ADAMTS16: variants seen among roughly 807,000 people sequenced by gnomAD.
ADAMTS16 encodes the protein ADAM metallopeptidase with thrombospondin type 1 motif 16.
In ADAMTS16, 94 loss-of-function variants were observed where a neutral mutation model predicts 145.8. That is an observed-to-expected ratio of 0.64 (90% CI 0.55 to 0.77). ADAMTS16 has a LOEUF of 0.77. ADAMTS16 is among the 30% of genes least tolerant of loss of function. The probability of loss-of-function intolerance (pLI) is 0.00; values close to 1 mark genes in which losing one functional copy is unlikely to be tolerated. For synonymous variants in ADAMTS16, 659 were observed against 604.3 expected (o/e 1.09, Z -1.33); for missense variants, 1,585 against 1,591.5 (o/e 1.00, Z 0.07).
At chr5:5,231,023 C>A (rs564052096) in intron 11 of ADAMTS16, among the ~76,000 whole-genome samples, 2 of 152,104 alleles carry the variant, frequency 1.3e-5, no homozygotes, top group African/African-American at 4.8e-5. Context: ...GAAAAGAAAA[C>A]GACAACAACT....
intron 9 of ADAMTS16, among the ~76,000 whole-genome samples, chr5:5,202,459 GT>G (rs1447949428): frequency 2.0e-5 from 3 of 152,148 alleles, no homozygotes; most frequent in Non-Finnish European, 2.9e-5. Flanking sequence ...TTTAGCATTT[GT>G]TTTTCCCTGC....
At chr5:5,187,392 G>A (rs1735532733) in intron 5 of ADAMTS16, among the ~76,000 whole-genome samples, 1 of 152,000 alleles carries the variant, frequency 6.6e-6, no homozygotes, top group African/African-American at 2.4e-5. Context: ...TTGCACTTAT[G>A]GAATTCCTTG....
intron 22 of ADAMTS16, among the ~76,000 whole-genome samples, chr5:5,318,757 G>C (rs965084501): frequency 6.6e-6 from 1 of 152,182 alleles, no homozygotes. Flanking sequence ...TTGAAATTCA[G>C]TCAACAGAGG....
At chr5:5,144,076 G>A (rs1169863278) in intron 2 of ADAMTS16, among the ~76,000 whole-genome samples, 1 of 151,636 alleles carries the variant, frequency 6.6e-6, no homozygotes, top group Non-Finnish European at 1.5e-5. Context: ...GTATACCTAT[G>A]TAACAAACCT....
At chr5:5,189,869 T>C in intron 6 of ADAMTS16, 102 bp from the exon 7 acceptor site, 2 of 1,412,184 alleles carry the variant, frequency 1.4e-6, no homozygotes, top group Non-Finnish European at 2.0e-6. Flanking sequence ...TCCAGCCATG[T>C]ATTTGAAATC....
At chr5:5,227,164 C>G (rs911919701) in intron 11 of ADAMTS16, among the ~76,000 whole-genome samples, 1 of 152,254 alleles carries the variant, frequency 6.6e-6, no homozygotes, top group African/African-American at 2.4e-5. Context: ...TCACGCAGCT[C>G]GCAGAGCAGA....
intron 16 of ADAMTS16, among the ~76,000 whole-genome samples, chr5:5,241,114 A>G (rs529357818): frequency 1.5e-4 from 23 of 151,808 alleles, no homozygotes; most frequent in African/African-American, 3.1e-4. Context: ...GAGCTGTGTC[A>G]TCAAGCAGAG....
intron 17 of ADAMTS16, among the ~76,000 whole-genome samples, chr5:5,248,349 T>C (rs1409681782): frequency 2.6e-5 from 4 of 152,196 alleles, no homozygotes; most frequent in Non-Finnish European, 5.9e-5. Context: ...AGTTGGTTTC[T>C]GAAAAAAGAT....
chr5:5,210,615 AATGTT>A (rs1736249941), intron 10 of ADAMTS16, among the ~76,000 whole-genome samples: 1 of 152,150 alleles, frequency 6.6e-6, no homozygotes, highest in African/African-American at 2.4e-5. Flanking sequence ...CCTGCTCTTG[AATGTT>A]ATAATTACCT....
chr5:5,311,314 A>C (rs1257326010), intron 21 of ADAMTS16, among the ~76,000 whole-genome samples: 16 of 99,176 alleles, frequency 1.6e-4, no homozygotes, highest in South Asian at 3.0e-4. Flanking sequence ...AAAAAAAAAA[A>C]AAACAAAAAA....
chr5:5,192,829 T>C (rs1026251015), intron 8 of ADAMTS16, among the ~76,000 whole-genome samples: 6 of 152,216 alleles, frequency 3.9e-5, no homozygotes, highest in Non-Finnish European at 8.8e-5. Context: ...CCTTGAAGTA[T>C]CGTCTGTTAA....
intron 20 of ADAMTS16, 34 bp downstream of exon 20, chr5:5,303,800 C>G (rs1207266561): frequency 6.2e-7 from 1 of 1,603,810 alleles, no homozygotes; most frequent in Admixed American, 1.7e-5. Flanking sequence ...GCGAGGTTGA[C>G]TAGCTCTCCC....
At chr5:5,198,081 G>A (rs1735855287) in intron 8 of ADAMTS16, among the ~76,000 whole-genome samples, 1 of 152,198 alleles carries the variant, frequency 6.6e-6, no homozygotes, top group Admixed American at 6.5e-5. Context: ...CCAGACTTGG[G>A]ACATTGTGGA....
chr5:5,209,347 C>A (rs1579312707), intron 10 of ADAMTS16, 101 bp downstream of exon 10: 2 of 1,375,394 alleles, frequency 1.5e-6, no homozygotes, highest in East Asian at 2.4e-5. Context: ...GGGTACCTAC[C>A]AAATGTCAAA....
intron 21 of ADAMTS16, among the ~76,000 whole-genome samples, chr5:5,313,079 C>T (rs897808926): frequency 5.3e-5 from 8 of 152,200 alleles, no homozygotes; most frequent in Non-Finnish European, 1.0e-4. Flanking sequence ...TAGCTGTTGC[C>T]GGTCTGAGAT....
chr5:5,214,125 T>G (rs1324695081), intron 10 of ADAMTS16, among the ~76,000 whole-genome samples: 2 of 152,150 alleles, frequency 1.3e-5, no homozygotes, highest in South Asian at 4.1e-4. Flanking sequence ...ATGTTTTCCT[T>G]CTCTCGAGCA....
At chr5:5,266,784 C>T (rs574668064) in intron 18 of ADAMTS16, among the ~76,000 whole-genome samples, 39 of 152,286 alleles carry the variant, frequency 2.6e-4, no homozygotes, top group Middle Eastern at 3.4e-3. Flanking sequence ...GATTATGTGG[C>T]GCTCGTTTAC....
At chr5:5,205,102 C>G (rs900328902) in intron 9 of ADAMTS16, among the ~76,000 whole-genome samples, 6 of 147,402 alleles carry the variant, frequency 4.1e-5, no homozygotes, top group Non-Finnish European at 9.0e-5. Flanking sequence ...TGTTTTTTTT[C>G]TTCTCTCTTG....
intron 20 of ADAMTS16, among the ~76,000 whole-genome samples, chr5:5,305,556 ACACACG>A (rs1740108211): frequency 2.3e-5 from 3 of 128,270 alleles, no homozygotes; most frequent in African/African-American, 5.5e-5. Flanking sequence ...ACACACACAC[ACACACG>A]TCAGAGCTTC....
Sources: gnomAD v4.1 joint callset for allele counts (sites outside exome capture counted in the v4.1 genomes callset) on GRCh38, gnomAD v4.1.1 for gene constraint, MANE v1.5 for transcripts, NCBI Gene and HGNC (gene_info 2026-07-23, HGNC 2026-07-21) for gene names.